ITFG1: variants seen among roughly 807,000 people sequenced by gnomAD.
ITFG1 encodes the protein integrin alpha FG-GAP repeat containing 1, also known as T-cell immunomodulatory protein.
Under a neutral mutation model 81.8 loss-of-function variants are expected in ITFG1, and 34 were observed. That is an observed-to-expected ratio of 0.42 (90% CI 0.32 to 0.55). The LOEUF (loss-of-function observed/expected upper bound fraction) is 0.55, where lower values mean the gene tolerates loss of function less well. Ranked by LOEUF, ITFG1 falls within the 20% of genes least tolerant of loss-of-function variation. The pLI is 0.17. For missense variants in ITFG1, 672 were observed against 755.4 expected, an observed-to-expected ratio of 0.89 and a Z score of 1.29; for synonymous variants, 285 against 270.6, an observed-to-expected ratio of 1.05 and a Z score of -0.52.
chr16:47,459,140 C>T lies in ITFG1; in HGVS notation c.244G>A (p.Ala82Thr), dbSNP rs1189711713. The T allele has an allele frequency of 1.0e-5, 16 of 1,601,414 alleles. No homozygotes were observed. Among genetic ancestry groups the T allele is most frequent in the Non-Finnish European group, 1.4e-5 (16 of 1,168,810 alleles). ...TTTACTTTGGGTTTAAAATAGGGTG[C>T]ATTCTGGTCTGCCAAAAAGACGATT... is the stretch of plus-strand genomic sequence containing the variant. The part of the protein sequence containing the change: ...DLIVFLADQN[A>T]PYFKPKVKVS... The change falls in exon 2 of 18, where the codon GCA becomes ACA. Residue 82 changes from alanine (A) to threonine (T), a missense_variant. By Grantham distance (58) the Ala-to-Thr change is moderately conservative. Around this residue, in one of 3 missense-constraint regions of ITFG1, gnomAD observed 560 missense variants for 625.7 expected, o/e 0.90. Transcript: ENST00000320640.
chr16:47,297,328 G>A (rs1006854808), intron 10 of ITFG1, among the ~76,000 whole-genome samples: 2 of 152,012 alleles, frequency 1.3e-5, no homozygotes, highest in Non-Finnish European at 2.9e-5. Context: ...CAGCTGAGAG[G>A]ATTTCTTATA....
intron 12 of ITFG1, among the ~76,000 whole-genome samples, chr16:47,250,609 G>T (rs1216071023): frequency 1.3e-5 from 2 of 152,110 alleles, no homozygotes; most frequent in Non-Finnish European, 2.9e-5. Context: ...TTGGTTCCAG[G>T]TCAGTATGTT....
rs555377852 is a variant in ITFG1 at position 47,263,609 on chromosome 16, CT to C, written c.1071-2915del. ...GGAGGGGTCTTCAACTGTATCAATA[CT>C]TTTTTTTAAAGCTGTGGAACACTGA... On this transcript the variant is annotated intron_variant, in intron 10 of 17. Coordinates refer to ENST00000320640, the MANE Select transcript of ITFG1 (RefSeq NM_030790.5). The C allele has an allele frequency of 1.4e-3, 270 of 188,830 alleles. 9 individuals carry two copies. In the South Asian group the frequency reaches 0.027, roughly 19 times the overall value. 11.7% of individuals were successfully genotyped at this position (188,830 alleles called of 1,614,324 possible). A position where few individuals can be genotyped will look rare whatever the true frequency, so the allele number is the denominator to read the frequency against.
At chr16:47,361,851 T>C (rs972301079) in intron 8 of ITFG1, among the ~76,000 whole-genome samples, 2 of 152,196 alleles carry the variant, frequency 1.3e-5, no homozygotes, top group Non-Finnish European at 2.9e-5. Flanking sequence ...TTCTCCCTAC[T>C]TAGCCCTCTG....
At chr16:47,411,833 C>G (rs1004260412) in intron 6 of ITFG1, among the ~76,000 whole-genome samples, 1 of 152,192 alleles carries the variant, frequency 6.6e-6, no homozygotes, top group Admixed American at 6.5e-5. Context: ...AGCGCTCTTG[C>G]AAATGTAGTC....
At chr16:47,348,631 ACT>A (rs1400723307) in intron 8 of ITFG1, among the ~76,000 whole-genome samples, 3 of 152,216 alleles carry the variant, frequency 2.0e-5, no homozygotes, top group Non-Finnish European at 4.4e-5. Context: ...GTTGGAAAAC[ACT>A]CTACAGGATA....
chr16:47,187,934 C>T (rs997168628), intron 14 of ITFG1, among the ~76,000 whole-genome samples: 1 of 151,956 alleles, frequency 6.6e-6, no homozygotes, highest in African/African-American at 2.4e-5. Context: ...CAAACAACCA[C>T]ATCAAAAAGT....
At chr16:47,455,490 C>T (rs1211299158) in intron 2 of ITFG1, among the ~76,000 whole-genome samples, 1 of 151,562 alleles carries the variant, frequency 6.6e-6, no homozygotes, top group Non-Finnish European at 1.5e-5. Flanking sequence ...TGGCTGGGCG[C>T]GGTGGTTCAC....
intron 5 of ITFG1, chr16:47,449,797 TAAAG>T (rs1969366815): frequency 6.6e-6 from 1 of 152,038 alleles, no homozygotes; most frequent in African/African-American, 2.4e-5. Flanking sequence ...TAAGAACAAA[TAAAG>T]AAGCTATGGC....
intron 8 of ITFG1, among the ~76,000 whole-genome samples, chr16:47,361,452 T>C (rs1339378620): frequency 6.6e-6 from 1 of 152,198 alleles, no homozygotes; most frequent in Non-Finnish European, 1.5e-5. Context: ...ATAGGAATTC[T>C]AGAATTTGAT....
At chr16:47,205,786 C>CA (rs1201485681) in intron 14 of ITFG1, among the ~76,000 whole-genome samples, 2 of 152,078 alleles carry the variant, frequency 1.3e-5, no homozygotes, top group African/African-American at 2.4e-5. Flanking sequence ...TTTAATTAAT[C>CA]AGAGTCATAG....
At chr16:47,190,229 A>G (rs551858194) in intron 14 of ITFG1, among the ~76,000 whole-genome samples, 120 of 152,286 alleles carry the variant, frequency 7.9e-4, no homozygotes, top group African/African-American at 2.8e-3. Flanking sequence ...AAAAAAGACA[A>G]GGGAGCAAAA....
chr16:47,190,747 CAAATT>C (rs1008391171), intron 14 of ITFG1, among the ~76,000 whole-genome samples: 2 of 152,180 alleles, frequency 1.3e-5, no homozygotes, highest in Non-Finnish European at 1.5e-5. Flanking sequence ...TGTTGTGTAA[CAAATT>C]AACCTAAAAT....
At chr16:47,289,106 T>C (rs1417589993) in intron 10 of ITFG1, among the ~76,000 whole-genome samples, 1 of 152,222 alleles carries the variant, frequency 6.6e-6, no homozygotes, top group Non-Finnish European at 1.5e-5. Flanking sequence ...TTTATTGAGA[T>C]GACCAAAGAG....
chr16:47,385,506 T>C (rs1473578342), intron 6 of ITFG1, among the ~76,000 whole-genome samples: 2 of 152,194 alleles, frequency 1.3e-5, no homozygotes, highest in East Asian at 3.8e-4. Context: ...GAAACAAGTA[T>C]AATAGTGATT....
At chr16:47,446,296 T>C (rs781064354) in intron 5 of ITFG1, among the ~76,000 whole-genome samples, 25 of 152,188 alleles carry the variant, frequency 1.6e-4, no homozygotes, top group Non-Finnish European at 2.5e-4. Flanking sequence ...AAATTCCTCA[T>C]GAATCACTCA....
intron 10 of ITFG1, among the ~76,000 whole-genome samples, chr16:47,273,819 G>T (rs1966368493): frequency 6.7e-6 from 1 of 148,364 alleles, no homozygotes. Context: ...TATTTATTTA[G>T]AGATGGAGTC....
intron 7 of ITFG1, among the ~76,000 whole-genome samples, chr16:47,369,833 CTTTTTTTT>C (rs71134539): frequency 5.0e-4 from 26 of 51,716 alleles, no homozygotes; most frequent in South Asian, 1.0e-3. Flanking sequence ...TCAATATCCT[CTTTTTTTT>C]TTTTTTTTTT....
chr16:47,202,601 A>T (rs1965440212), intron 14 of ITFG1, among the ~76,000 whole-genome samples: 1 of 152,102 alleles, frequency 6.6e-6, no homozygotes. Flanking sequence ...AAAAAAAAGA[A>T]ACATAATGAG....
Sources: gnomAD v4.1 joint callset for allele counts (sites outside exome capture counted in the v4.1 genomes callset) on GRCh38, gnomAD v4.1.1 for gene constraint, gnomAD v4.1.1 regional missense constraint, MANE v1.5 for transcripts, NCBI Gene and HGNC (gene_info 2026-07-23, HGNC 2026-07-21) for gene names.